PTPN4: variants seen among roughly 807,000 people sequenced by gnomAD.
PTPN4 encodes protein tyrosine phosphatase non-receptor type 4.
Under a neutral mutation model 135.5 loss-of-function variants are expected in PTPN4, and 49 were observed. The observed-to-expected ratio is 0.36, with a 90% CI of 0.29 to 0.46. The LOEUF is 0.46. Among genes scored for constraint, PTPN4 ranks in the 20% least tolerant of loss-of-function variants. PTPN4 has a pLI of 1.00. For synonymous variants in PTPN4, 333 were observed against 369.9 expected (o/e 0.90, Z 1.14); for missense variants, 860 against 1,101.0 (o/e 0.78, Z 3.10).
intron 5 of PTPN4, among the ~76,000 whole-genome samples, chr2:119,878,062 T>G (rs1490486588): frequency 6.6e-6 from 1 of 152,202 alleles, no homozygotes; most frequent in Admixed American, 6.5e-5. Flanking sequence ...TAAAGGATGT[T>G]GCAGAGAGTG....
chr2:119,910,488 A>G (rs1292600534), intron 10 of PTPN4, among the ~76,000 whole-genome samples: 1 of 152,152 alleles, frequency 6.6e-6, no homozygotes, highest in Non-Finnish European at 1.5e-5. Flanking sequence ...TAATAAAATC[A>G]TATTGTGAGC....
chr2:119,781,043 A>G (rs1051817048), intron 1 of PTPN4, among the ~76,000 whole-genome samples: 1 of 152,118 alleles, frequency 6.6e-6, no homozygotes, highest in East Asian at 1.9e-4. Flanking sequence ...ATTATAATCT[A>G]TTATTTATTT....
intron 1 of PTPN4, among the ~76,000 whole-genome samples, chr2:119,784,439 T>C (rs1003472644): frequency 5.0e-5 from 7 of 141,168 alleles, no homozygotes; most frequent in African/African-American, 1.6e-4. Flanking sequence ...CAGGCTGGAG[T>C]GAAGTGGCGC....
At chr2:119,803,091 C>T (rs895395196) in intron 1 of PTPN4, among the ~76,000 whole-genome samples, 4 of 152,038 alleles carry the variant, frequency 2.6e-5, no homozygotes, top group Non-Finnish European at 4.4e-5. Flanking sequence ...CTTTGTTAGC[C>T]TTGCTAGAGG....
At chr2:119,763,117 A>T (rs1690540803) in intron 1 of PTPN4, among the ~76,000 whole-genome samples, 1 of 152,130 alleles carries the variant, frequency 6.6e-6, no homozygotes, top group Non-Finnish European at 1.5e-5. Flanking sequence ...ATAATTTCTT[A>T]TCTTTTGCAT....
rs1234547402 is a variant in PTPN4 at position 119,765,716 on chromosome 2, T to G, written c.-18+5332T>G. On this transcript the variant is annotated intron_variant, in intron 1 of 26. Coordinates refer to ENST00000263708, the MANE Select transcript of PTPN4 (RefSeq NM_002830.4). ...TTAACAATTCATAGTGACAGTGTAA[T>G]AAGATCTGGGGAAAAGAAGTGGCAT... is the stretch of plus-strand genomic sequence containing the variant. 3.9e-5 allele frequency among the ~76,000 whole-genome samples: 6 copies of G among 152,208 alleles called. No homozygotes were observed. The South Asian group carries it at 8.3e-4, about 21-fold the overall frequency.
intron 1 of PTPN4, among the ~76,000 whole-genome samples, chr2:119,805,953 C>T (rs1264425353): frequency 6.6e-6 from 1 of 151,978 alleles, no homozygotes; most frequent in Non-Finnish European, 1.5e-5. Context: ...CTCTTTTACC[C>T]CAGAATTTCA....
chr2:119,812,593 T>C (rs1235574937), intron 2 of PTPN4, among the ~76,000 whole-genome samples: 1 of 152,184 alleles, frequency 6.6e-6, no homozygotes, highest in Non-Finnish European at 1.5e-5. Context: ...CTGTTATCAC[T>C]GGGTTTGTGT....
At chr2:119,810,053 T>G in intron 2 of PTPN4, 62 bp downstream of exon 2, 1 of 1,491,638 alleles carries the variant, frequency 6.7e-7, no homozygotes, top group African/African-American at 1.4e-5. Context: ...TAGACATATA[T>G]GTAAACTAGG....
At position 119,760,306 on chromosome 2, in the gene PTPN4, G is replaced by C. The variant is rs932363787; in HGVS notation, c.-96G>C. Reference sequence around the variant, plus strand: ...AGGTAGCCCCCCGGAGCGGCACGGAGGACGCGCTTCTCCTCTGCGCGCCGG... The same window carrying C: ...AGGTAGCCCCCCGGAGCGGCACGGACGACGCGCTTCTCCTCTGCGCGCCGG... On this transcript the variant is annotated 5_prime_UTR_variant, in exon 1 of 27. Transcript: ENST00000263708. The C allele has an allele frequency of 5.1e-6, 2 of 395,694 alleles. No individual in the cohort carries two copies. The highest frequency in any genetic ancestry group is 2.1e-5 in the African/African-American group (1 of 48,592). 24.5% of individuals were successfully genotyped at this position (395,694 alleles called of 1,614,324 possible).
In PTPN4 at chr2:119,965,543, C is replaced by T; in HGVS notation, c.2456C>T (p.Pro819Leu). 6.2e-7 allele frequency: 1 copy of T among 1,613,652 alleles called. No individual in the cohort carries two copies. Among genetic ancestry groups the T allele is most frequent in the Non-Finnish European group, 8.5e-7 (1 of 1,179,554 alleles). Residue 819 changes from proline to leucine, a missense_variant, in exon 25 of 27, where the codon CCT (proline) becomes CTT (leucine). Transcript: ENST00000263708. ...PLTQIQYIAWPDHGVPDDSSD... is the reference protein window; with the variant it reads ...PLTQIQYIAWLDHGVPDDSSD... ...ACTCAGATCCAGTACATAGCCTGGC[C>T]TGACCATGGAGTCCCTGATGATTCG...
chr2:119,775,582 GA>G (rs1327794054), intron 1 of PTPN4, among the ~76,000 whole-genome samples: 3 of 152,206 alleles, frequency 2.0e-5, no homozygotes, highest in Non-Finnish European at 4.4e-5. Flanking sequence ...ATACTCTATG[GA>G]AAGGATTGTC....
chr2:119,847,484 C>T (rs535716368), intron 2 of PTPN4, among the ~76,000 whole-genome samples: 10 of 151,948 alleles, frequency 6.6e-5, no homozygotes, highest in African/African-American at 1.4e-4. Context: ...TGCACTACCA[C>T]GCCCAGCTAA....
At chr2:119,968,093 T>TA (rs1679471396) in intron 26 of PTPN4, 121 bp downstream of exon 26, 13 of 859,982 alleles carry the variant, frequency 1.5e-5, no homozygotes, top group Middle Eastern at 5.3e-4. Flanking sequence ...CATGGTCAAA[T>TA]AACCTCTAGC....
rs1420908264 is a variant in PTPN4, at chr2:119,978,088, GCACAT to G, written c.*1019_*1023del. ...GCTGCTATGGAATTGTTCAAAATCT[GCACAT>G]TCCTTTACTTGAGGGACTGAGGGGT... On this transcript the variant is annotated 3_prime_UTR_variant, in exon 27 of 27. Coordinates refer to ENST00000263708, the MANE Select transcript of PTPN4 (RefSeq NM_002830.4). The G allele has an allele frequency of 2.0e-5, 3 of 152,156 alleles. No individual in the cohort carries two copies. Among genetic ancestry groups the G allele is most frequent in the East Asian group, 3.8e-4 (2 of 5,198 alleles). The allele number at this position is 152,156 out of a possible 1,614,324, so 9.4% of individuals were successfully genotyped here. A position where few individuals can be genotyped will look rare whatever the true frequency, so the allele number is the denominator to read the frequency against.
chr2:119,778,493 C>T (rs984939308), intron 1 of PTPN4, among the ~76,000 whole-genome samples: 3 of 152,134 alleles, frequency 2.0e-5, no homozygotes, highest in African/African-American at 7.2e-5. Context: ...AGGAGCTATT[C>T]ACATACTTAC....
intron 9 of PTPN4, among the ~76,000 whole-genome samples, chr2:119,891,481 C>A (rs1210104517): frequency 6.6e-6 from 1 of 152,140 alleles, no homozygotes; most frequent in Non-Finnish European, 1.5e-5. Flanking sequence ...CGCCACCATG[C>A]CTGGCTAATT....
At chr2:119,763,482 G>A (rs1690546271) in intron 1 of PTPN4, among the ~76,000 whole-genome samples, 1 of 152,118 alleles carries the variant, frequency 6.6e-6, no homozygotes, top group African/African-American at 2.4e-5. Context: ...TATGCTTTAT[G>A]AGGTAGGTAT....
intron 2 of PTPN4, among the ~76,000 whole-genome samples, chr2:119,839,787 T>C (rs1356894866): frequency 6.6e-6 from 1 of 152,202 alleles, no homozygotes; most frequent in Non-Finnish European, 1.5e-5. Flanking sequence ...GTTGCAAATA[T>C]ATATATTTGC....
Sources: gnomAD v4.1 joint callset for allele counts (sites outside exome capture counted in the v4.1 genomes callset) on GRCh38, gnomAD v4.1.1 for gene constraint, MANE v1.5 for transcripts, NCBI Gene and HGNC (gene_info 2026-07-23, HGNC 2026-07-21) for gene names.